CDH13: variants seen among roughly 807,000 people sequenced by gnomAD.
CDH13 encodes the protein cadherin 13.
In CDH13, 24 loss-of-function variants were observed where a neutral mutation model predicts 63.8. That is an observed-to-expected ratio of 0.38 (90% CI 0.27 to 0.53). The LOEUF (loss-of-function observed/expected upper bound fraction) is 0.53, where lower values mean the gene tolerates loss of function less well. CDH13 is among the 20% of genes least tolerant of loss of function. The probability of loss-of-function intolerance (pLI) is 0.85; values close to 1 mark genes in which losing one functional copy is unlikely to be tolerated. For synonymous variants in CDH13, 503 were observed against 355.3 expected (o/e 1.42, Z -4.67); for missense variants, 1,049 against 903.1 (o/e 1.16, Z -2.07).
chr16:83,299,292 G>A (rs1567573821), intron 5 of CDH13, among the ~76,000 whole-genome samples: 7 of 143,274 alleles, frequency 4.9e-5, no homozygotes, highest in African/African-American at 5.1e-5. Flanking sequence ...ATCAGGCCAT[G>A]AAAAAAAAAA....
intron 11 of CDH13, among the ~76,000 whole-genome samples, chr16:83,754,663 C>T (rs145155730): frequency 0.013 from 2,033 of 152,310 alleles, 54 homozygotes; most frequent in African/African-American, 0.046. Context: ...GGGGTTTCCA[C>T]TTTTGCGTCT....
At chr16:83,468,064 C>A (rs1003888509) in intron 6 of CDH13, among the ~76,000 whole-genome samples, 2 of 152,228 alleles carry the variant, frequency 1.3e-5, no homozygotes, top group Admixed American at 6.5e-5. Context: ...TTCTCTCTTG[C>A]TTCCATGCCC....
intron 1 of CDH13, among the ~76,000 whole-genome samples, chr16:82,633,123 C>T (rs866697553): frequency 6.6e-6 from 1 of 152,158 alleles, no homozygotes; most frequent in African/African-American, 2.4e-5. Flanking sequence ...TCTAACAGGC[C>T]ATGGACTGGT....
chr16:82,991,143 A>T (rs993872743), intron 2 of CDH13, among the ~76,000 whole-genome samples: 1 of 152,192 alleles, frequency 6.6e-6, no homozygotes, highest in African/African-American at 2.4e-5. Flanking sequence ...CTCCCAAGCA[A>T]CAGTGACAAC....
intron 7 of CDH13, among the ~76,000 whole-genome samples, chr16:83,535,011 T>C (rs1233592080): frequency 1.3e-5 from 2 of 152,236 alleles, no homozygotes; most frequent in African/African-American, 4.8e-5. Flanking sequence ...AGTTTAATCA[T>C]ATCTGCAGAG....
intron 2 of CDH13, among the ~76,000 whole-genome samples, chr16:82,958,784 G>C (rs539493916): frequency 6.6e-6 from 1 of 152,200 alleles, no homozygotes; most frequent in South Asian, 2.1e-4. Context: ...AAAGAGAGAC[G>C]GTTAACTTGG....
At chr16:83,636,150 G>A (rs968834627) in intron 8 of CDH13, among the ~76,000 whole-genome samples, 2 of 150,850 alleles carry the variant, frequency 1.3e-5, no homozygotes, top group Non-Finnish European at 2.9e-5. Context: ...GGTCTATTCC[G>A]TGTCCTCCGT....
intron 6 of CDH13, among the ~76,000 whole-genome samples, chr16:83,352,759 A>G (rs1481540897): frequency 6.6e-6 from 1 of 152,166 alleles, no homozygotes; most frequent in East Asian, 1.9e-4. Flanking sequence ...GTGCTGTGGC[A>G]GGCACCTGTA....
chr16:83,062,656 A>C (rs1437314774), intron 3 of CDH13, among the ~76,000 whole-genome samples: 3 of 152,176 alleles, frequency 2.0e-5, no homozygotes, highest in Admixed American at 1.3e-4. Flanking sequence ...ACAGTCATAA[A>C]AGCAGGTAGA....
intron 2 of CDH13, among the ~76,000 whole-genome samples, chr16:82,996,899 G>A (rs375081201): frequency 2.4e-4 from 37 of 151,924 alleles, no homozygotes; most frequent in African/African-American, 6.8e-4. Context: ...TGCTGATGGC[G>A]GTGATGGTGA....
At chr16:82,850,592 T>C (rs2039441987) in intron 1 of CDH13, among the ~76,000 whole-genome samples, 1 of 152,166 alleles carries the variant, frequency 6.6e-6, no homozygotes, top group Non-Finnish European at 1.5e-5. Context: ...CTGCTTTCTA[T>C]TTTGAAAAAA....
chr16:83,106,938 C>T (rs1012445302), intron 3 of CDH13, among the ~76,000 whole-genome samples: 12 of 151,816 alleles, frequency 7.9e-5, no homozygotes, highest in African/African-American at 2.9e-4. Flanking sequence ...GCAGTATGAG[C>T]CCAACATATA....
intron 5 of CDH13, among the ~76,000 whole-genome samples, chr16:83,281,619 A>T (rs1025595324): frequency 1.3e-5 from 2 of 152,124 alleles, no homozygotes; most frequent in Non-Finnish European, 2.9e-5. Flanking sequence ...CATTAAGCTT[A>T]ATCAGTCTAG....
intron 2 of CDH13, among the ~76,000 whole-genome samples, chr16:82,935,064 T>G (rs966628426): frequency 1.3e-5 from 2 of 152,200 alleles, no homozygotes; most frequent in Non-Finnish European, 2.9e-5. Context: ...ATTCTCACAC[T>G]GCTACAAAGA....
intron 1 of CDH13, among the ~76,000 whole-genome samples, chr16:82,739,067 C>G (rs141764712): frequency 1.3e-5 from 2 of 152,328 alleles, no homozygotes; most frequent in Non-Finnish European, 1.5e-5. Flanking sequence ...CTTCCCCACC[C>G]CTGGGAACTG....
At chr16:83,255,617 T>G (rs955007119) in intron 5 of CDH13, among the ~76,000 whole-genome samples, 1 of 152,210 alleles carries the variant, frequency 6.6e-6, no homozygotes, top group African/African-American at 2.4e-5. Flanking sequence ...CATTTAACTT[T>G]TGAAAATCGT....
intron 1 of CDH13, among the ~76,000 whole-genome samples, chr16:82,754,298 G>A (rs1276501256): frequency 6.6e-6 from 1 of 152,036 alleles, no homozygotes; most frequent in African/African-American, 2.4e-5. Context: ...ACATAGAAAT[G>A]GAACTGCATT....
intron 7 of CDH13, among the ~76,000 whole-genome samples, chr16:83,552,505 G>A (rs1220438555): frequency 6.6e-6 from 1 of 152,140 alleles, no homozygotes; most frequent in Non-Finnish European, 1.5e-5. Context: ...ACTAATAGGG[G>A]AAATGCAAAA....
intron 2 of CDH13, among the ~76,000 whole-genome samples, chr16:82,998,823 C>T (rs1050187470): frequency 7.3e-5 from 11 of 150,400 alleles, no homozygotes; most frequent in Admixed American, 2.6e-4. Flanking sequence ...CGCCTTAAGC[C>T]TGACTTAAGA....
Sources: gnomAD v4.1 joint callset for allele counts (sites outside exome capture counted in the v4.1 genomes callset) on GRCh38, gnomAD v4.1.1 for gene constraint, MANE v1.5 for transcripts, NCBI Gene and HGNC (gene_info 2026-07-23, HGNC 2026-07-21) for gene names.